The following WNK2 variants were observed in gnomAD, a reference collection of about 807,000 sequenced individuals.
WNK2 encodes the protein WNK lysine deficient protein kinase 2.
In WNK2, 67 loss-of-function variants were observed where a neutral mutation model predicts 192.1. That is an observed-to-expected ratio of 0.35 (90% CI 0.29 to 0.43). The LOEUF (loss-of-function observed/expected upper bound fraction) is 0.43. WNK2 is among the 20% of genes least tolerant of loss of function. The pLI is 1.00. For synonymous variants in WNK2, 1,439 were observed against 1,393.9 expected (o/e 1.03, Z -0.72); for missense variants, 2,698 against 3,089.7 (o/e 0.87, Z 3.01).
rs55675133 is a variant in WNK2 at position 93,253,147 on chromosome 9, G to A, written c.2034+65G>A. The A allele has an allele frequency of 3.6e-3, 4,726 of 1,305,520 alleles. 7 individuals carry two copies. The highest frequency in any genetic ancestry group is 4.4e-3 in the Non-Finnish European group (4,431 of 1,017,998). 80.9% of individuals were successfully genotyped at this position (1,305,520 alleles called of 1,614,324 possible). ...ATTACCTGGTCTGAGGGCCCTGAGG[G>A]CTCTAAATTCTGTGATGGGCTGTCC... On this transcript the variant is annotated intron_variant, in intron 9 of 29. Coordinates refer to ENST00000427277, the MANE Select transcript of WNK2 (RefSeq NM_006648.4).
intron 2 of WNK2, among the ~76,000 whole-genome samples, chr9:93,206,488 C>T (rs1833408751): frequency 6.6e-6 from 1 of 152,120 alleles, no homozygotes; most frequent in South Asian, 2.1e-4. Context: ...CCCACCTTAG[C>T]CCTGGATGCA....
In WNK2 at chr9:93,299,124, G is replaced by A. The variant is rs769271247; in HGVS notation, c.5978G>A (p.Ser1993Asn). 3.7e-6 allele frequency: 6 copies of A among 1,611,934 alleles called. No individual in the cohort carries two copies. Among genetic ancestry groups the A allele is most frequent in the Non-Finnish European group, 5.1e-6 (6 of 1,179,706 alleles). ...CCCGCTAAGGACCCTGCCCAAGCCA[G>A]TGTGGGGCTCACTGCAGACAGCACG... ...GPPAKDPAQASVGLTADSTGL... is the reference protein window; with the variant it reads ...GPPAKDPAQANVGLTADSTGL... Residue 1993 changes from serine to asparagine, a missense_variant, in exon 25 of 30, where the codon AGT becomes AAT. Ser to Asn is a conservative substitution (Grantham distance 46). Coordinates refer to ENST00000427277, the MANE Select transcript of WNK2 (RefSeq NM_006648.4).
In WNK2 at chr9:93,268,702, C is replaced by G. The variant is rs781468852; in HGVS notation, c.3989C>G (p.Ser1330Trp). 1 of 1,613,430 alleles carries G rather than the reference C, an allele frequency of 6.2e-7. No homozygotes were observed. Among genetic ancestry groups the G allele is most frequent in the Non-Finnish European group, 8.5e-7 (1 of 1,179,782 alleles). Residue 1330 changes from serine to tryptophan, a missense_variant, in exon 19 of 30, where the codon TCG becomes TGG. Around this residue, in one of 7 missense-constraint regions of WNK2, gnomAD observed 1,098 missense variants for 1,101.0 expected, o/e 1.00. Coordinates refer to ENST00000427277, the MANE Select transcript of WNK2 (RefSeq NM_006648.4). ...EHPAPEAPES[S>W]PPLPLSSLPP... ...CCCGCCCCCGAGGCCCCTGAATCTT[C>G]GCCCCCACTTCCTCTAAGCTCCCTG... is the stretch of plus-strand genomic sequence containing the variant.
intron 2 of WNK2, among the ~76,000 whole-genome samples, chr9:93,223,407 A>G (rs1446892187): frequency 6.6e-6 from 1 of 152,222 alleles, no homozygotes; most frequent in Non-Finnish European, 1.5e-5. Context: ...CTTCTTCCCC[A>G]GGCTGCCTGA....
intron 2 of WNK2, among the ~76,000 whole-genome samples, chr9:93,214,606 TTCA>T (rs1239969452): frequency 1.3e-5 from 2 of 151,924 alleles, no homozygotes; most frequent in Non-Finnish European, 2.9e-5. Context: ...GCCTGGCCTC[TTCA>T]TCACTTTGAG....
At chr9:93,192,051 C>T (rs1448393591) in intron 2 of WNK2, among the ~76,000 whole-genome samples, 1 of 149,416 alleles carries the variant, frequency 6.7e-6, no homozygotes. Flanking sequence ...CGTGGTGGCT[C>T]ATGCCTGTAA....
chr9:93,299,555 G>A (rs752146970), intron 25 of WNK2, among the ~76,000 whole-genome samples: 20 of 152,146 alleles, frequency 1.3e-4, no homozygotes, highest in African/African-American at 4.1e-4. Flanking sequence ...CCTGGCATCC[G>A]GCTGTGTGCT....
At position 93,247,848 on chromosome 9, in the gene WNK2, G is replaced by A. The variant is rs773587164; in HGVS notation, c.1834+14G>A. On this transcript the variant is annotated intron_variant, in intron 8 of 29. Coordinates refer to ENST00000427277, the MANE Select transcript of WNK2 (RefSeq NM_006648.4). The surrounding 1 kb of genome is among the most constrained non-coding windows in gnomAD (Gnocchi z 5.2). ...CCTCCCTGGCCTGTGAGTGCTCAGG[G>A]GTGGGATGGCCATGGGCACCCCTCC... 6 of 1,533,896 alleles carry A rather than the reference G, an allele frequency of 3.9e-6. No individual in the cohort carries two copies. Among genetic ancestry groups the A allele is most frequent in the Admixed American group, 2.0e-5 (1 of 50,630 alleles).
chr9:93,227,389 A>G (rs1433812812), intron 2 of WNK2, among the ~76,000 whole-genome samples: 1 of 152,136 alleles, frequency 6.6e-6, no homozygotes, highest in East Asian at 1.9e-4. Flanking sequence ...CTGGGATTAC[A>G]GGTGTGAGCC....
At chr9:93,268,119 C>T (rs1462386513) in intron 18 of WNK2, 54 bp downstream of exon 18, 4 of 1,560,908 alleles carry the variant, frequency 2.6e-6, no homozygotes, top group Non-Finnish European at 2.6e-6. Context: ...TGAAAGTCCC[C>T]ACTCAGCATA....
intron 9 of WNK2, among the ~76,000 whole-genome samples, chr9:93,255,752 A>G (rs530597082): frequency 6.6e-6 from 1 of 152,360 alleles, no homozygotes; most frequent in South Asian, 2.1e-4. Flanking sequence ...CTCTCAGAGA[A>G]CAAAGCCCAA....
chr9:93,254,564 T>G (rs1843022341), intron 9 of WNK2, among the ~76,000 whole-genome samples: 1 of 152,254 alleles, frequency 6.6e-6, no homozygotes, highest in African/African-American at 2.4e-5. Context: ...TTGCCGAGTC[T>G]GCCTTTGCTG....
Position 93,289,461 on chromosome 9 carries a change from A to T in WNK2, c.4707A>T (p.Ser1569=). Residue 1569 remains serine (S), a synonymous_variant, in exon 20 of 30, where the codon TCA becomes TCT. Transcript: ENST00000427277. ...LLYQEHVPTS[S]ASAGTPVEVG... The stretch of plus-strand genomic sequence containing the variant: ...ACCAGGAGCACGTGCCCACCTCCTC[A>T]GCCTCAGCTGGGACCCCTGTGGAGG... 6.2e-7 allele frequency: 1 copy of T among 1,612,670 alleles called. No individual in the cohort carries two copies. Among genetic ancestry groups the T allele is most frequent in the Non-Finnish European group, 8.5e-7 (1 of 1,179,544 alleles).
chr9:93,200,427 G>A (rs1180904725), intron 2 of WNK2, among the ~76,000 whole-genome samples: 1 of 152,220 alleles, frequency 6.6e-6, no homozygotes, highest in African/African-American at 2.4e-5. Flanking sequence ...AGCCAGCGGT[G>A]GTGGGAGAAC....
chr9:93,266,854 C>T (rs1040854251), intron 16 of WNK2, among the ~76,000 whole-genome samples: 16 of 152,148 alleles, frequency 1.1e-4, no homozygotes, highest in African/African-American at 2.9e-4. Context: ...TAGAGCATCT[C>T]GGTGACTGCA....
chr9:93,319,431 C>T, intron 29 of WNK2: 1 of 983,974 alleles, frequency 1.0e-6, no homozygotes, highest in Non-Finnish European at 1.2e-6. Flanking sequence ...ACTGCCCCCG[C>T]CAGCTGTGGC....
chr9:93,263,073 C>G (rs1844556986), intron 14 of WNK2, among the ~76,000 whole-genome samples: 1 of 152,140 alleles, frequency 6.6e-6, no homozygotes, highest in African/African-American at 2.4e-5. Flanking sequence ...GAATCCAGCC[C>G]CGATCCTGGG....
At chr9:93,295,047 C>T (rs1329330361) in intron 23 of WNK2, among the ~76,000 whole-genome samples, 4 of 152,136 alleles carry the variant, frequency 2.6e-5, no homozygotes, top group African/African-American at 9.7e-5. Context: ...CTGCCATGAG[C>T]GTTGGGGTTT....
intron 2 of WNK2, among the ~76,000 whole-genome samples, chr9:93,209,909 C>A (rs1834181588): frequency 6.6e-6 from 1 of 152,176 alleles, no homozygotes; most frequent in Admixed American, 6.5e-5. Flanking sequence ...TGGTGGGACA[C>A]CCCCAGAGCA....
Sources: gnomAD v4.1 joint callset for allele counts (sites outside exome capture counted in the v4.1 genomes callset) on GRCh38, gnomAD v4.1.1 for gene constraint, gnomAD v4.1.1 regional missense constraint, Gnocchi (gnomAD v3.1) non-coding constraint, MANE v1.5 for transcripts, NCBI Gene and HGNC (gene_info 2026-07-23, HGNC 2026-07-21) for gene names.